CHRM3: variants seen among roughly 807,000 people sequenced by gnomAD.
The protein encoded by CHRM3 is muscarinic acetylcholine receptor M3.
CHRM3 carries 11 observed loss-of-function variants against 41.8 expected under a neutral mutation model. The ratio of observed to expected loss-of-function variants is 0.26; its 90% CI spans 0.17 to 0.44. CHRM3 has a LOEUF of 0.44. CHRM3 is among the 20% of genes least tolerant of loss of function. The pLI is 1.00. For missense variants in CHRM3, 571 were observed against 745.4 expected (o/e 0.77, Z 2.72); for synonymous variants, 297 against 301.4 (o/e 0.99, Z 0.15).
Position 239,761,084 on chromosome 1 carries a change from CT to C in CHRM3, c.-146-66162del, listed in dbSNP as rs1424037369. ...TAATGCTTTTTCATTTCTTTCTGGT[CT>C]TTTTTCTCCCTGGTTTCTTTGCGAT... On this transcript the variant is annotated intron_variant, in intron 5 of 6. Coordinates refer to ENST00000676153, the MANE Select transcript of CHRM3 (RefSeq NM_001375978.1). Among the ~76,000 whole-genome samples the C allele has an allele frequency of 3.4e-4, 52 of 151,966 alleles. 1 individual carries two copies. The highest frequency in any genetic ancestry group is 2.9e-3 in the Admixed American group (45 of 15,272).
At chr1:239,852,688 T>TTGCCCATA (rs143045771) in intron 6 of CHRM3, among the ~76,000 whole-genome samples, 3,973 of 152,238 alleles carry the variant, frequency 0.026, 175 homozygotes, top group African/African-American at 0.089. Context: ...ATCTTTCCAG[T>TTGCCCATA]TGCCCATATT....
chr1:239,834,665 T>C (rs770038500), intron 6 of CHRM3, among the ~76,000 whole-genome samples: 1 of 152,168 alleles, frequency 6.6e-6, no homozygotes, highest in African/African-American at 2.4e-5. Flanking sequence ...AGGCAGAAAG[T>C]GTAGCTGTCT....
rs370641420 is a variant in CHRM3 at position 239,553,376 on chromosome 1, G to T, written c.-313+7627G>T. On this transcript the variant is annotated intron_variant, in intron 3 of 6. Transcript: ENST00000676153. ...GATTTCCCCTACTATGCTTCCGTGG[G>T]AACCAATGTGCATACAAATGAGAAT... is the stretch of plus-strand genomic sequence containing the variant. Among the ~76,000 whole-genome samples, 104 of 152,022 alleles carry T rather than the reference G, an allele frequency of 6.8e-4. 4 individuals carry two copies. The East Asian group carries it at 0.014, about 21-fold the overall frequency.
chr1:239,647,705 A>G (rs537930293), intron 4 of CHRM3, among the ~76,000 whole-genome samples: 40 of 152,292 alleles, frequency 2.6e-4, no homozygotes, highest in African/African-American at 9.4e-4. Flanking sequence ...AAACCAGAAT[A>G]GCAAAACTGA....
At chr1:239,899,011 C>T (rs571070203) in intron 6 of CHRM3, among the ~76,000 whole-genome samples, 2 of 152,082 alleles carry the variant, frequency 1.3e-5, no homozygotes, top group Admixed American at 6.5e-5. Flanking sequence ...TTGTTTCACC[C>T]TCTTCTTTTA....
Position 239,914,452 on chromosome 1 carries a change from C to T in CHRM3, c.*5228C>T, listed in dbSNP as rs548764919. 6 of 167,166 alleles carry T rather than the reference C, an allele frequency of 3.6e-5. No individual in the cohort carries two copies. In the South Asian group the frequency reaches 1.2e-3, roughly 35 times the overall value. 10.4% of individuals were successfully genotyped at this position (167,166 alleles called of 1,614,324 possible). ...CTGGGAAGTGGAAAGTGTTCACAAA[C>T]ATGATGCTTATCTAATAAAATATCA... On this transcript the variant is annotated 3_prime_UTR_variant, in exon 7 of 7. Coordinates refer to ENST00000676153, the MANE Select transcript of CHRM3 (RefSeq NM_001375978.1).
At chr1:239,865,922 G>C (rs1676050027) in intron 6 of CHRM3, among the ~76,000 whole-genome samples, 1 of 152,148 alleles carries the variant, frequency 6.6e-6, no homozygotes, top group Admixed American at 6.5e-5. Flanking sequence ...GTAGGGAGGG[G>C]TGCGGGTGCA....
At chr1:239,532,091 C>T (rs1391518121) in intron 2 of CHRM3, among the ~76,000 whole-genome samples, 2 of 128,482 alleles carry the variant, frequency 1.6e-5, no homozygotes, top group Non-Finnish European at 3.2e-5. Context: ...CGGCTCACTG[C>T]AAGCTCCGCC....
intron 2 of CHRM3, among the ~76,000 whole-genome samples, chr1:239,510,460 C>T (rs534923296): frequency 1.4e-4 from 21 of 152,090 alleles, no homozygotes; most frequent in African/African-American, 5.1e-4. Context: ...AATGGCACAA[C>T]TAGCAGATGG....
intron 3 of CHRM3, among the ~76,000 whole-genome samples, chr1:239,630,929 G>A (rs1419570950): frequency 2.6e-5 from 4 of 152,106 alleles, no homozygotes; most frequent in African/African-American, 9.7e-5. Flanking sequence ...GAGATCTTGG[G>A]AGAGGAGGAG....
chr1:239,395,592 A>G (rs1455118319), intron 1 of CHRM3, among the ~76,000 whole-genome samples: 1 of 152,192 alleles, frequency 6.6e-6, no homozygotes, highest in Non-Finnish European at 1.5e-5. Context: ...TTAAATGTGC[A>G]TTCAGATCAC....
At chr1:239,691,104 C>A (rs1282579172) in intron 5 of CHRM3, among the ~76,000 whole-genome samples, 1 of 152,064 alleles carries the variant, frequency 6.6e-6, no homozygotes, top group Non-Finnish European at 1.5e-5. Context: ...GAGCTGAGCT[C>A]TTCCTGCTGC....
At chr1:239,568,655 C>G (rs1055684803) in intron 3 of CHRM3, among the ~76,000 whole-genome samples, 2 of 152,002 alleles carry the variant, frequency 1.3e-5, no homozygotes, top group African/African-American at 4.8e-5. Context: ...CATATATCCC[C>G]TTACCCTCAG....
chr1:239,782,463 C>T (rs1467785761), intron 5 of CHRM3, among the ~76,000 whole-genome samples: 1 of 151,992 alleles, frequency 6.6e-6, no homozygotes, highest in African/African-American at 2.4e-5. Flanking sequence ...TGTCTCCTCT[C>T]TCGATTATGA....
chr1:239,852,303 G>T (rs913255639), intron 6 of CHRM3, among the ~76,000 whole-genome samples: 1 of 152,154 alleles, frequency 6.6e-6, no homozygotes, highest in Non-Finnish European at 1.5e-5. Flanking sequence ...ATTAGGCACT[G>T]CCTGTAACTA....
intron 5 of CHRM3, chr1:239,826,891 G>C (rs890624689): frequency 6.6e-6 from 1 of 152,144 alleles, no homozygotes; most frequent in Admixed American, 6.5e-5. Context: ...GGCCTGTGGT[G>C]GAACTCACAA....
At chr1:239,619,704 C>G (rs1469550786) in intron 3 of CHRM3, among the ~76,000 whole-genome samples, 1 of 152,046 alleles carries the variant, frequency 6.6e-6, no homozygotes, top group Non-Finnish European at 1.5e-5. Flanking sequence ...AAATTGGTTT[C>G]TCGAACCCCC....
chr1:239,887,201 CT>C (rs1433896237), intron 6 of CHRM3, among the ~76,000 whole-genome samples: 16 of 146,288 alleles, frequency 1.1e-4, no homozygotes, highest in Admixed American at 1.4e-4. Context: ...GCTCAAAAAG[CT>C]TTTTTTTTTG....
At chr1:239,462,543 G>A (rs533407577) in intron 1 of CHRM3, among the ~76,000 whole-genome samples, 74 of 152,286 alleles carry the variant, frequency 4.9e-4, no homozygotes, top group Admixed American at 1.5e-3. Flanking sequence ...TTTTACAGCT[G>A]CCTGCAGGGT....
Sources: allele counts gnomAD v4.1 joint callset (sites outside exome capture counted in the v4.1 genomes callset), GRCh38; gene constraint gnomAD v4.1.1; transcripts MANE v1.5; gene names NCBI Gene and HGNC (gene_info 2026-07-23, HGNC 2026-07-21).